SCAI: variants seen among roughly 807,000 people sequenced by gnomAD.
SCAI encodes suppressor of cancer cell invasion.
In SCAI, 24 loss-of-function variants were observed where a neutral mutation model predicts 92.2. The ratio of observed to expected loss-of-function variants is 0.26; its 90% confidence interval spans 0.19 to 0.37. SCAI has a LOEUF of 0.37. Ranked by LOEUF, SCAI falls within the 10% of genes least tolerant of loss-of-function variation. SCAI has a pLI of 1.00. For synonymous variants in SCAI, 261 were observed against 258.6 expected, an observed-to-expected ratio of 1.01 and a Z score of -0.09; for missense variants, 450 against 736.2, an observed-to-expected ratio of 0.61 and a Z score of 4.50.
intron 17 of SCAI, among the ~76,000 whole-genome samples, chr9:124,967,572 T>C (rs1264823548): frequency 6.6e-6 from 1 of 152,166 alleles, no homozygotes; most frequent in Non-Finnish European, 1.5e-5. Context: ...AATGGCTTTT[T>C]TTTCCTCCTT....
At chr9:125,129,904 CTTTTT>C (rs1001444563) in intron 2 of SCAI, among the ~76,000 whole-genome samples, 1 of 149,198 alleles carries the variant, frequency 6.7e-6, no homozygotes, top group Non-Finnish European at 1.5e-5. Flanking sequence ...CTTTTCTTTT[CTTTTT>C]TTTTGTTGAG....
chr9:124,949,589 C>T lies in SCAI; in HGVS notation c.*3218G>A, dbSNP rs1320306270. On this transcript the variant is annotated 3_prime_UTR_variant, in exon 18 of 18. Transcript: ENST00000336505. This position sits in a 1 kb window ranked among gnomAD's most constrained non-coding sequence, Gnocchi z 4.0. ...AAGTGACCCTCCCACCTCGGCCTCC[C>T]AGGTAGCTGGGACTAATAGGGTCAT... is the stretch of plus-strand genomic sequence containing the variant. The T allele has an allele frequency of 2.0e-5, 3 of 152,226 alleles. No individual in the cohort carries two copies. Among genetic ancestry groups the T allele is most frequent in the African/African-American group, 7.2e-5 (3 of 41,442 alleles). The allele number at this position is 152,226 out of a possible 1,614,324, so 9.4% of individuals were successfully genotyped here.
At chr9:125,133,021 C>A (rs891193203) in intron 2 of SCAI, among the ~76,000 whole-genome samples, 1 of 151,996 alleles carries the variant, frequency 6.6e-6, no homozygotes, top group Non-Finnish European at 1.5e-5. Flanking sequence ...AAGCTGCAAG[C>A]ATCTCAAGAT....
intron 9 of SCAI, among the ~76,000 whole-genome samples, chr9:125,004,492 C>T (rs1381588016): frequency 6.6e-6 from 1 of 151,000 alleles, no homozygotes; most frequent in Non-Finnish European, 1.5e-5. Flanking sequence ...AAACACCTGG[C>T]TAATTTTTGT....
At chr9:124,990,959 AC>A (rs1170677283) in intron 14 of SCAI, among the ~76,000 whole-genome samples, 1 of 152,180 alleles carries the variant, frequency 6.6e-6, no homozygotes, top group Non-Finnish European at 1.5e-5. Flanking sequence ...GGTGGATGGG[AC>A]CCAGCTACAA....
chr9:125,027,807 C>A (rs1489938994), intron 5 of SCAI, among the ~76,000 whole-genome samples: 1 of 152,178 alleles, frequency 6.6e-6, no homozygotes, highest in Non-Finnish European at 1.5e-5. Flanking sequence ...AGCCACCACG[C>A]CCAGCCATTT....
intron 9 of SCAI, among the ~76,000 whole-genome samples, chr9:125,018,020 A>G (rs1314234995): frequency 2.6e-5 from 4 of 151,996 alleles, no homozygotes; most frequent in Non-Finnish European, 5.9e-5. Flanking sequence ...AAAAAAAACA[A>G]AACACAAAAA....
intron 3 of SCAI, among the ~76,000 whole-genome samples, chr9:125,050,095 G>A (rs1833529398): frequency 6.6e-6 from 1 of 151,476 alleles, no homozygotes; most frequent in African/African-American, 2.4e-5. Context: ...AAAAAGACAA[G>A]CACTAACAGT....
intron 14 of SCAI, among the ~76,000 whole-genome samples, chr9:124,984,831 T>C (rs1831956103): frequency 6.6e-6 from 1 of 152,052 alleles, no homozygotes; most frequent in Non-Finnish European, 1.5e-5. Context: ...TAAAATCAGC[T>C]AAGAACATCA....
Position 124,952,219 on chromosome 9 carries a change from T to C in SCAI, c.*588A>G, listed in dbSNP as rs1404603176. On this transcript the variant is annotated 3_prime_UTR_variant, in exon 18 of 18. Transcript: ENST00000336505. ...CTCAAGTCCTCAATCAAGATGTAGCTTTCAGATGCAATTCAATCCAATTTC... is the reference window on the plus strand; with the variant it reads ...CTCAAGTCCTCAATCAAGATGTAGCCTTCAGATGCAATTCAATCCAATTTC... The C allele has an allele frequency of 6.6e-6, 1 of 152,232 alleles. No individual in the cohort carries two copies. Among genetic ancestry groups the C allele is most frequent in the Non-Finnish European group, 1.5e-5 (1 of 68,040 alleles). 9.4% of individuals were successfully genotyped at this position (152,232 alleles called of 1,614,324 possible). A position where few individuals can be genotyped will look rare whatever the true frequency, so the allele number is the denominator to read the frequency against.
chr9:125,046,190 T>TTG (rs1833429025), intron 3 of SCAI, among the ~76,000 whole-genome samples: 1 of 102,238 alleles, frequency 9.8e-6, no homozygotes, highest in African/African-American at 4.1e-5. Context: ...AATAAAGAAA[T>TTG]TGTGAGATAT....
chr9:125,002,086 A>G (rs1832373115), intron 11 of SCAI, 43 bp from the exon 12 acceptor site: 1 of 1,278,396 alleles, frequency 7.8e-7, no homozygotes, highest in Non-Finnish European at 1.1e-6. Flanking sequence ...ACAAACAAGG[A>G]TAAACAACAT....
chr9:125,067,353 C>G (rs1350297854), intron 2 of SCAI, among the ~76,000 whole-genome samples: 1 of 151,922 alleles, frequency 6.6e-6, no homozygotes, highest in Non-Finnish European at 1.5e-5. Context: ...TAGAGTGGGC[C>G]CTGAACACAA....
rs148526740 is a variant in SCAI, at chr9:125,085,182, G to C, written c.99-29175C>G. ...TTGGGAACATCAATAGACTTTAAAAGGTTAAAAATAAAATCAAATAACAGA... is the reference window on the plus strand; with the variant it reads ...TTGGGAACATCAATAGACTTTAAAACGTTAAAAATAAAATCAAATAACAGA... On this transcript the variant is annotated intron_variant, in intron 2 of 17. Transcript: ENST00000336505. Among the ~76,000 whole-genome samples the C allele has an allele frequency of 1.1e-4, 17 of 152,248 alleles. No homozygotes were observed. In the East Asian group the frequency reaches 2.9e-3, roughly 26 times the overall value.
At chr9:125,113,868 G>C (rs528829595) in intron 2 of SCAI, among the ~76,000 whole-genome samples, 3 of 151,990 alleles carry the variant, frequency 2.0e-5, no homozygotes, top group African/African-American at 7.2e-5. Context: ...AGGATGAGGC[G>C]GGAGAATAGC....
chr9:125,111,170 T>C (rs1834921758), intron 2 of SCAI, among the ~76,000 whole-genome samples: 1 of 151,884 alleles, frequency 6.6e-6, no homozygotes, highest in Non-Finnish European at 1.5e-5. Flanking sequence ...CGTGACTAAG[T>C]TGGGTTTGTT....
chr9:125,078,684 G>A (rs1368197040), intron 2 of SCAI, among the ~76,000 whole-genome samples: 1 of 152,088 alleles, frequency 6.6e-6, no homozygotes, highest in Non-Finnish European at 1.5e-5. Context: ...GAGAGGCCAA[G>A]GCAGGAGAGT....
At chr9:125,014,190 C>A (rs201925732) in intron 9 of SCAI, among the ~76,000 whole-genome samples, 8 of 151,222 alleles carry the variant, frequency 5.3e-5, no homozygotes, top group East Asian at 1.9e-4. Flanking sequence ...GGCAATTATG[C>A]AGGAGAAGGA....
At position 125,003,486 on chromosome 9, in the gene SCAI, T is replaced by C; in HGVS notation, c.946A>G (p.Asn316Asp). 8 of 1,610,816 alleles carry C rather than the reference T, an allele frequency of 5.0e-6. No homozygotes were observed. The highest frequency in any genetic ancestry group is 6.8e-6 in the Non-Finnish European group (8 of 1,177,024). Residue 316 changes from asparagine to aspartate, a missense_variant, in exon 10 of 18, where the codon AAT (asparagine) becomes GAT (aspartate). Coordinates refer to ENST00000336505, the MANE Select transcript of SCAI (RefSeq NM_001144877.3). ...GAGATTACCTGCATTCCTGGTTTAT[T>C]CATCTGGGAAGCTAAATTCATTGGC... The part of the protein sequence containing the change: ...REPMNLASQM[N>D]KPGMQESADK...
Sources: allele counts gnomAD v4.1 joint callset (sites outside exome capture counted in the v4.1 genomes callset), GRCh38; gene constraint gnomAD v4.1.1; non-coding constraint Gnocchi (gnomAD v3.1); transcripts MANE v1.5; gene names NCBI Gene and HGNC (gene_info 2026-07-23, HGNC 2026-07-21).